NEGR1: variants seen among roughly 807,000 people sequenced by gnomAD.
NEGR1 encodes neuronal growth regulator 1, also known as IgLON family member 4.
Under a neutral mutation model 40.9 loss-of-function variants are expected in NEGR1, and 10 were observed. The ratio of observed to expected loss-of-function variants is 0.24; its 90% CI spans 0.15 to 0.42. The LOEUF (loss-of-function observed/expected upper bound fraction) is 0.42. NEGR1 is among the 10% of genes least tolerant of loss of function. The probability of loss-of-function intolerance (pLI) is 1.00; values close to 1 mark genes in which losing one functional copy is unlikely to be tolerated. For missense variants in NEGR1, 352 were observed against 438.9 expected, an observed-to-expected ratio of 0.80 and a Z score of 1.77; for synonymous variants, 185 against 166.8, an observed-to-expected ratio of 1.11 and a Z score of -0.84.
At chr1:72,035,233 C>G (rs1198746408) in intron 1 of NEGR1, among the ~76,000 whole-genome samples, 3 of 152,202 alleles carry the variant, frequency 2.0e-5, no homozygotes, top group Admixed American at 2.0e-4. Context: ...TACCAGCTTT[C>G]TCTGCATGCG....
intron 2 of NEGR1, among the ~76,000 whole-genome samples, chr1:71,877,446 C>A (rs1378544280): frequency 1.6e-4 from 24 of 152,240 alleles, no homozygotes; most frequent in Non-Finnish European, 4.4e-5. Context: ...TAGATAGCCA[C>A]CTTCTTCCTC....
chr1:71,878,630 G>A (rs1660499327), intron 2 of NEGR1, among the ~76,000 whole-genome samples: 1 of 152,002 alleles, frequency 6.6e-6, no homozygotes, highest in African/African-American at 2.4e-5. Context: ...AAATCATTCT[G>A]ATATGCATGG....
chr1:71,626,159 G>A (rs1354866097), intron 4 of NEGR1, among the ~76,000 whole-genome samples: 1 of 151,734 alleles, frequency 6.6e-6, no homozygotes, highest in Non-Finnish European at 1.5e-5. Context: ...AGAGGTTTGG[G>A]GACTGCTGTG....
chr1:72,096,261 T>G (rs1648692803), intron 1 of NEGR1, among the ~76,000 whole-genome samples: 1 of 152,162 alleles, frequency 6.6e-6, no homozygotes, highest in Non-Finnish European at 1.5e-5. Context: ...ATTCTTTGGT[T>G]TATGAAGCCC....
rs144462023 is a variant in NEGR1 at position 71,992,002 on chromosome 1, C to T, written c.177-56691G>A. Among the ~76,000 whole-genome samples the T allele has an allele frequency of 1.6e-3, 236 of 152,036 alleles. 3 individuals carry two copies. In the Middle Eastern group the frequency reaches 0.024, roughly 15 times the overall value. ...GTAGAGACGGGTTTCACTGTGTTGCCCAGGCTGGTCACGAACTCCTGAGCT... is the reference window on the plus strand; with the variant it reads ...GTAGAGACGGGTTTCACTGTGTTGCTCAGGCTGGTCACGAACTCCTGAGCT... On this transcript the variant is annotated intron_variant, in intron 1 of 6. Coordinates refer to ENST00000357731, the MANE Select transcript of NEGR1 (RefSeq NM_173808.3).
intron 1 of NEGR1, among the ~76,000 whole-genome samples, chr1:72,236,438 A>G (rs1306161975): frequency 7.0e-6 from 1 of 142,058 alleles, no homozygotes; most frequent in Non-Finnish European, 1.5e-5. Flanking sequence ...AATAAAAAAA[A>G]GAAGAAGAAG....
intron 1 of NEGR1, among the ~76,000 whole-genome samples, chr1:72,250,948 C>T (rs1308758719): frequency 6.6e-6 from 1 of 152,110 alleles, no homozygotes; most frequent in Non-Finnish European, 1.5e-5. Flanking sequence ...GTACTACTGC[C>T]CAGCATGCTA....
intron 2 of NEGR1, among the ~76,000 whole-genome samples, chr1:71,828,803 G>A (rs545556707): frequency 5.1e-4 from 77 of 152,040 alleles, no homozygotes; most frequent in South Asian, 3.9e-3. Flanking sequence ...ACTGCCTGCA[G>A]TGTGAGCTCT....
chr1:71,579,983 A>G (rs1377041341), intron 6 of NEGR1, among the ~76,000 whole-genome samples: 1 of 152,224 alleles, frequency 6.6e-6, no homozygotes, highest in Non-Finnish European at 1.5e-5. Flanking sequence ...AATTTAAACA[A>G]GAGATGTGGC....
intron 1 of NEGR1, among the ~76,000 whole-genome samples, chr1:71,977,334 CAAAACAAAACAAAACA>C (rs1239255679): frequency 6.7e-6 from 1 of 149,470 alleles, no homozygotes; most frequent in Non-Finnish European, 1.5e-5. Flanking sequence ...TCAAAAAAAA[CAAAACAAAACAAAACA>C]AAAACAAAAT....
intron 2 of NEGR1, among the ~76,000 whole-genome samples, chr1:71,807,589 G>A (rs1311599956): frequency 5.3e-5 from 8 of 152,020 alleles, no homozygotes; most frequent in Non-Finnish European, 2.9e-5. Flanking sequence ...TGCATACAAT[G>A]CTCTGATTTT....
chr1:71,763,268 A>G (rs1656010185), intron 3 of NEGR1, among the ~76,000 whole-genome samples: 1 of 152,164 alleles, frequency 6.6e-6, no homozygotes, highest in African/African-American at 2.4e-5. Context: ...CCACAGTTAC[A>G]TAGTACTTTA....
At chr1:71,880,705 T>C (rs1167846134) in intron 2 of NEGR1, among the ~76,000 whole-genome samples, 3 of 152,044 alleles carry the variant, frequency 2.0e-5, no homozygotes, top group Non-Finnish European at 4.4e-5. Context: ...CCTTCAATTC[T>C]GACTGTATGC....
At chr1:71,908,052 C>T (rs1661325278) in intron 2 of NEGR1, among the ~76,000 whole-genome samples, 3 of 152,074 alleles carry the variant, frequency 2.0e-5, no homozygotes, top group Non-Finnish European at 2.9e-5. Flanking sequence ...CTGTTGGGAA[C>T]TATGCTTACT....
At chr1:72,121,704 T>A (rs1050205272) in intron 1 of NEGR1, among the ~76,000 whole-genome samples, 15 of 152,036 alleles carry the variant, frequency 9.9e-5, no homozygotes, top group African/African-American at 3.6e-4. Context: ...GTAAGAACTG[T>A]AAGAAAATGA....
chr1:72,162,208 T>C (rs896737199), intron 1 of NEGR1, among the ~76,000 whole-genome samples: 6 of 151,820 alleles, frequency 4.0e-5, no homozygotes, highest in Non-Finnish European at 8.8e-5. Context: ...TCTCAGCACT[T>C]TGAGAGGCCG....
chr1:72,018,680 C>T (rs957049781), intron 1 of NEGR1, among the ~76,000 whole-genome samples: 5 of 152,068 alleles, frequency 3.3e-5, no homozygotes, highest in African/African-American at 9.7e-5. Context: ...AAACTGGCAG[C>T]GGCTGAAAGA....
rs554275007 is a variant in NEGR1 at position 71,478,850 on chromosome 1, GGATGATA to G, written c.941-71287_941-71281del. Among the ~76,000 whole-genome samples the G allele has an allele frequency of 2.5e-3, 387 of 151,904 alleles. 1 individual carries two copies. Among genetic ancestry groups the G allele is most frequent in the Admixed American group, 6.0e-3 (92 of 15,226 alleles). On this transcript the variant is annotated intron_variant, in intron 6 of 6. Transcript: ENST00000357731. Reference sequence around the variant, plus strand: ...GTGCCTGAGATGAAGCTGATACCATGGATGATAGATAGGGAAAAAAAAATCTTTCAGT... The same window carrying G: ...GTGCCTGAGATGAAGCTGATACCATGGATAGGGAAAAAAAAATCTTTCAGT...
At chr1:72,086,875 C>T (rs1173091035) in intron 1 of NEGR1, among the ~76,000 whole-genome samples, 2 of 151,900 alleles carry the variant, frequency 1.3e-5, no homozygotes, top group Non-Finnish European at 2.9e-5. Context: ...ATGCATATGT[C>T]ATAACTTTTA....
Sources: allele counts gnomAD v4.1 joint callset (sites outside exome capture counted in the v4.1 genomes callset), GRCh38; gene constraint gnomAD v4.1.1; transcripts MANE v1.5; gene names NCBI Gene and HGNC (gene_info 2026-07-23, HGNC 2026-07-21).